ITPKB: variants seen among roughly 807,000 people sequenced by gnomAD.
ITPKB encodes the protein inositol-trisphosphate 3-kinase B, also known as IP3 3-kinase B.
In ITPKB, 13 loss-of-function variants were observed where a neutral mutation model predicts 69.4. That is an observed-to-expected ratio of 0.19 (90% confidence interval 0.12 to 0.30). The LOEUF (loss-of-function observed/expected upper bound fraction) is 0.30. ITPKB is among the 10% of genes least tolerant of loss of function. The pLI is 1.00. For synonymous variants in ITPKB, 584 were observed against 513.7 expected (o/e 1.14, Z -1.85); for missense variants, 1,240 against 1,250.5 (o/e 0.99, Z 0.13).
chr1:226,664,460 G>A (rs186389518), intron 2 of ITPKB, among the ~76,000 whole-genome samples: 1 of 152,202 alleles, frequency 6.6e-6, no homozygotes, highest in Non-Finnish European at 1.5e-5. Context: ...TACACGTATC[G>A]TGGTGGGACG....
intron 2 of ITPKB, among the ~76,000 whole-genome samples, chr1:226,705,389 C>T (rs891176372): frequency 1.3e-5 from 2 of 152,018 alleles, no homozygotes; most frequent in South Asian, 2.1e-4. Context: ...ATGAGCCGGG[C>T]GTGGTGACGC....
intron 2 of ITPKB, among the ~76,000 whole-genome samples, chr1:226,688,726 C>T (rs955051696): frequency 2.0e-5 from 3 of 152,186 alleles, no homozygotes; most frequent in African/African-American, 4.8e-5. Context: ...CATTTGGAAT[C>T]CACCAACAAT....
chr1:226,728,490 T>C (rs968826522), intron 2 of ITPKB, among the ~76,000 whole-genome samples: 9 of 152,226 alleles, frequency 5.9e-5, no homozygotes, highest in African/African-American at 2.2e-4. Flanking sequence ...TGGAAGACCC[T>C]GCCTTTAAGT....
intron 2 of ITPKB, among the ~76,000 whole-genome samples, chr1:226,698,006 C>A (rs1417109561): frequency 6.6e-6 from 1 of 152,326 alleles, no homozygotes; most frequent in East Asian, 1.9e-4. Flanking sequence ...GGACACTCCC[C>A]CCGGGGCAGA....
chr1:226,636,744 C>T (rs748454867), intron 7 of ITPKB, among the ~76,000 whole-genome samples: 3 of 143,052 alleles, frequency 2.1e-5, no homozygotes, highest in Admixed American at 7.1e-5. Flanking sequence ...AGCCCCAGGA[C>T]TGCAGCTCTG....
In ITPKB at chr1:226,633,091, G is replaced by GT. The variant is rs1357106866; in HGVS notation, c.*1579dup. The GT allele has an allele frequency of 6.6e-6, 1 of 152,226 alleles. No individual in the cohort carries two copies. Among genetic ancestry groups the GT allele is most frequent in the Non-Finnish European group, 1.5e-5 (1 of 68,042 alleles). The allele number at this position is 152,226 out of a possible 1,614,324, so 9.4% of individuals were successfully genotyped here. A position where few individuals can be genotyped will look rare whatever the true frequency, so the allele number is the denominator to read the frequency against. Reference sequence around the variant, plus strand: ...CTGTTTTAAACAAGAGCCAGGAAGTGTAAGTTGATTTCCTTTTTTAAAATC... The same window carrying GT: ...CTGTTTTAAACAAGAGCCAGGAAGTGTTAAGTTGATTTCCTTTTTTAAAATC... On this transcript the variant is annotated 3_prime_UTR_variant, in exon 8 of 8. Transcript: ENST00000429204.
rs189544969 is a variant in ITPKB at position 226,674,759 on chromosome 1, C to T, written c.1933-25988G>A. ...TTCCCTTTCGATTTCTTCACCATCC[C>T]TATTTGCCTCCTTTTCCTCACTATC... On this transcript the variant is annotated intron_variant, in intron 2 of 7. Coordinates refer to ENST00000429204, the MANE Select transcript of ITPKB (RefSeq NM_002221.4). Among the ~76,000 whole-genome samples, 255 of 152,248 alleles carry T rather than the reference C, an allele frequency of 1.7e-3. 2 individuals are homozygous for T. Among genetic ancestry groups the T allele is most frequent in the African/African-American group, 6.0e-3 (248 of 41,524 alleles).
At position 226,639,637 on chromosome 1, in the gene ITPKB, G is replaced by A. The variant is rs778973917; in HGVS notation, c.2473C>T (p.Arg825Trp). The A allele has an allele frequency of 1.9e-6, 3 of 1,613,104 alleles. No individual in the cohort carries two copies. The highest frequency in any genetic ancestry group is 2.2e-5 in the East Asian group (1 of 44,866). The change falls in exon 6 of 8, where the codon CGG (arginine) becomes TGG (tryptophan). Residue 825 changes from arginine (R) to tryptophan (W), a missense_variant. Transcript: ENST00000429204. The stretch of plus-strand genomic sequence containing the variant: ...CTCGTTTTGGTCTTCTTGAAGTCCC[G>A]GTTCACGGTGCCGTCTTCTTTCTGA... Reference protein sequence around the residue: ...GIKKEDGTVNRDFKKTKTREQ... With the variant: ...GIKKEDGTVNWDFKKTKTREQ...
chr1:226,662,768 C>T (rs192483382), intron 2 of ITPKB, among the ~76,000 whole-genome samples: 3 of 152,330 alleles, frequency 2.0e-5, no homozygotes, highest in African/African-American at 7.2e-5. Flanking sequence ...TGGTGCAATT[C>T]ATATTTCTGA....
chr1:226,722,447 G>A (rs1422825416), intron 2 of ITPKB, among the ~76,000 whole-genome samples: 5 of 152,352 alleles, frequency 3.3e-5, no homozygotes, highest in Middle Eastern at 3.4e-3. Flanking sequence ...CTGCAGAGGC[G>A]GGAGACGGCT....
chr1:226,735,822 T>C lies in ITPKB; in HGVS notation c.1637A>G (p.Glu546Gly), dbSNP rs1657733243. 1 of 1,608,648 alleles carries C rather than the reference T, an allele frequency of 6.2e-7. No individual in the cohort carries two copies. The highest frequency in any genetic ancestry group is 2.2e-5 in the East Asian group (1 of 44,666). The change falls in exon 2 of 8, where the codon GAG becomes GGG. Residue 546 changes from glutamate to glycine, a missense_variant. By Grantham distance (98) the Glu-to-Gly change is moderately conservative. This residue lies in a region of ITPKB where 992 missense variants were observed against 853.8 expected (regional missense o/e 1.16). Transcript: ENST00000429204. The part of the protein sequence containing the change: ...RQDSDALPSP[E>G]LLPQDPDKPF... ...CTTGTCCGGATCTTGGGGTAGCAGCTCCGGACTTGGGAGGGCATCACTGTC... is the reference window on the plus strand; with the variant it reads ...CTTGTCCGGATCTTGGGGTAGCAGCCCCGGACTTGGGAGGGCATCACTGTC...
At chr1:226,700,473 A>C (rs892225102) in intron 2 of ITPKB, among the ~76,000 whole-genome samples, 9 of 141,396 alleles carry the variant, frequency 6.4e-5, no homozygotes, top group Non-Finnish European at 1.3e-4. Flanking sequence ...GTCAAAAAAA[A>C]AAAAAAAAAA....
chr1:226,655,368 G>A (rs946365740), intron 2 of ITPKB, among the ~76,000 whole-genome samples: 13 of 152,214 alleles, frequency 8.5e-5, no homozygotes, highest in African/African-American at 2.9e-4. Flanking sequence ...CTGCCTCCTG[G>A]GGAGGAAATG....
intron 2 of ITPKB, among the ~76,000 whole-genome samples, chr1:226,701,603 C>CAAA (rs58756019): frequency 4.5e-4 from 20 of 44,862 alleles, no homozygotes; most frequent in South Asian, 1.6e-3. Flanking sequence ...GACTCCGTCT[C>CAAA]AAAAAAAAAA....
chr1:226,721,962 C>T (rs1339380531), intron 2 of ITPKB, among the ~76,000 whole-genome samples: 1 of 151,934 alleles, frequency 6.6e-6, no homozygotes, highest in South Asian at 2.1e-4. Context: ...TACAGGCGCG[C>T]ACCACCACAC....
At chr1:226,716,407 A>C (rs763018076) in intron 2 of ITPKB, among the ~76,000 whole-genome samples, 1 of 151,568 alleles carries the variant, frequency 6.6e-6, no homozygotes, top group Non-Finnish European at 1.5e-5. Context: ...TTTTCTTTTT[A>C]AAATGTTTTT....
intron 2 of ITPKB, among the ~76,000 whole-genome samples, chr1:226,716,992 G>A (rs1657112391): frequency 6.6e-6 from 1 of 152,218 alleles, no homozygotes; most frequent in African/African-American, 2.4e-5. Context: ...TACCGAGGGA[G>A]AAATAACCAT....
intron 2 of ITPKB, chr1:226,675,127 C>CAAAA (rs71168989): frequency 1.5e-4 from 10 of 66,952 alleles, no homozygotes; most frequent in Non-Finnish European, 2.3e-4. Flanking sequence ...TGCTTACAGG[C>CAAAA]AAAAAAAAAA....
At chr1:226,639,799 G>C (rs1423063375) in intron 5 of ITPKB, 141 bp from the exon 6 acceptor site, 1 of 669,000 alleles carries the variant, frequency 1.5e-6, no homozygotes, top group Non-Finnish European at 2.7e-6. Flanking sequence ...AGGTGTCCAC[G>C]TATGGCGCAT....
Sources: allele counts gnomAD v4.1 joint callset (sites outside exome capture counted in the v4.1 genomes callset), GRCh38; gene constraint gnomAD v4.1.1; regional missense constraint gnomAD v4.1.1; transcripts MANE v1.5; gene names NCBI Gene and HGNC (gene_info 2026-07-23, HGNC 2026-07-21).